The following MPPED2 variants were observed in gnomAD, a reference collection of about 807,000 sequenced individuals.
MPPED2 encodes metallophosphoesterase MPPED2.
In MPPED2, 5 loss-of-function variants were observed where a neutral mutation model predicts 33.0. The observed-to-expected ratio is 0.15, with a 90% CI of 0.08 to 0.32. The LOEUF is 0.32. Among genes scored for constraint, MPPED2 ranks in the 10% least tolerant of loss-of-function variants. The pLI is 1.00. For synonymous variants in MPPED2, 136 were observed against 141.9 expected, an observed-to-expected ratio of 0.96 and a Z score of 0.29; for missense variants, 275 against 372.1, an observed-to-expected ratio of 0.74 and a Z score of 2.15.
chr11:30,487,616 G>A (rs897909839), intron 4 of MPPED2, among the ~76,000 whole-genome samples: 1 of 151,970 alleles, frequency 6.6e-6, no homozygotes. Context: ...AAGTAGCTGG[G>A]ACTACAAGCA....
intron 2 of MPPED2, among the ~76,000 whole-genome samples, chr11:30,552,628 G>A (rs756151732): frequency 1.3e-5 from 2 of 151,758 alleles, no homozygotes; most frequent in Non-Finnish European, 2.9e-5. Flanking sequence ...CTCTCTCTCC[G>A]TTTAGACCAT....
At chr11:30,535,627 C>T (rs377446533) in intron 3 of MPPED2, among the ~76,000 whole-genome samples, 277 of 152,150 alleles carry the variant, frequency 1.8e-3, no homozygotes, top group African/African-American at 6.3e-3. Context: ...ATTTGTATAT[C>T]TTTGCTTATA....
chr11:30,496,966 T>C (rs528614257), intron 3 of MPPED2, among the ~76,000 whole-genome samples: 66 of 152,116 alleles, frequency 4.3e-4, no homozygotes, highest in Non-Finnish European at 7.5e-4. Context: ...ATGGGGAGGC[T>C]TAAGAGAGAG....
At chr11:30,413,031 T>C (rs1422902543) in intron 6 of MPPED2, among the ~76,000 whole-genome samples, 2 of 152,178 alleles carry the variant, frequency 1.3e-5, no homozygotes, top group East Asian at 3.9e-4. Flanking sequence ...ACCCTCCTTT[T>C]CAGGGAGCAT....
In MPPED2 at chr11:30,443,833, A is replaced by G. The variant is rs537797568; in HGVS notation, c.537-26200T>C. Among the ~76,000 whole-genome samples the G allele has an allele frequency of 8.5e-5, 13 of 152,328 alleles. No homozygotes were observed. In the South Asian group the frequency reaches 2.3e-3, roughly 27 times the overall value. ...ATACGAATGACTGCATAACGAAACA[A>G]CAAACTCATCTTAAGCAGAGATGAA... On this transcript the variant is annotated intron_variant, in intron 4 of 6. Transcript: ENST00000358117.
chr11:30,504,715 A>G, intron 3 of MPPED2: 3 of 1,199,934 alleles, frequency 2.5e-6, no homozygotes, highest in Non-Finnish European at 3.3e-6. Context: ...AAGTCCTGAC[A>G]GCTCTAACGT....
downstream of MPPED2, among the ~76,000 whole-genome samples, chr11:30,405,462 G>A (rs1947974861): frequency 2.6e-5 from 4 of 152,118 alleles, no homozygotes; most frequent in African/African-American, 9.7e-5. Context: ...GCTTCCTAAT[G>A]GAAATGCATT....
At position 30,552,629 on chromosome 11, in the gene MPPED2, T is replaced by C. The variant is rs527720568; in HGVS notation, c.129-16454A>G. On this transcript the variant is annotated intron_variant, in intron 2 of 6. Coordinates refer to ENST00000358117, the MANE Select transcript of MPPED2 (RefSeq NM_001584.3). The stretch of plus-strand genomic sequence containing the variant: ...GTTTTGTTTTTTCTCTCTCTCTCCG[T>C]TTAGACCATTATAACGTCAGCATTT... Among the ~76,000 whole-genome samples, 5 of 152,324 alleles carry C rather than the reference T, an allele frequency of 3.3e-5. No individual in the cohort carries two copies. In the East Asian group the frequency reaches 9.6e-4, roughly 29 times the overall value.
chr11:30,475,492 C>T (rs947679425), intron 4 of MPPED2, among the ~76,000 whole-genome samples: 2 of 152,114 alleles, frequency 1.3e-5, no homozygotes, highest in Non-Finnish European at 2.9e-5. Flanking sequence ...TTGATCTTTT[C>T]GTCACTTTAA....
chr11:30,395,975 C>T (rs1340282568), intron 6 of MPPED2, among the ~76,000 whole-genome samples: 1 of 152,156 alleles, frequency 6.6e-6, no homozygotes, highest in Non-Finnish European at 1.5e-5. Context: ...TTTGACCTAA[C>T]CGGTTCTTAA....
intron 5 of MPPED2, 55 bp from the exon 6 acceptor site, chr11:30,414,396 A>G (rs1948247474): frequency 1.7e-6 from 2 of 1,147,314 alleles, no homozygotes; most frequent in Non-Finnish European, 1.3e-6. Context: ...GTAAGGTTTC[A>G]TTTAGACTTT....
intron 3 of MPPED2, among the ~76,000 whole-genome samples, chr11:30,500,478 A>G (rs1307436535): frequency 1.3e-5 from 2 of 152,202 alleles, no homozygotes; most frequent in Admixed American, 6.5e-5. Flanking sequence ...TAAACTGTGG[A>G]CGCAGCATGG....
intron 6 of MPPED2, among the ~76,000 whole-genome samples, chr11:30,396,250 C>G (rs147562101): frequency 6.6e-6 from 1 of 152,108 alleles, no homozygotes; most frequent in Non-Finnish European, 1.5e-5. Context: ...CAACTTGACC[C>G]CTCAGAAGCC....
chr11:30,458,588 T>C (rs568424767), intron 4 of MPPED2, among the ~76,000 whole-genome samples: 21 of 152,362 alleles, frequency 1.4e-4, no homozygotes, highest in African/African-American at 4.8e-4. Flanking sequence ...GTCCTCATCA[T>C]CAAATTACAC....
chr11:30,499,972 C>A (rs1386050132), intron 3 of MPPED2, among the ~76,000 whole-genome samples: 1 of 152,138 alleles, frequency 6.6e-6, no homozygotes, highest in African/African-American at 2.4e-5. Flanking sequence ...CAAAACTGAC[C>A]TCCAGTCTGC....
chr11:30,584,425 G>A (rs1224552686), intron 1 of MPPED2, among the ~76,000 whole-genome samples: 3 of 151,276 alleles, frequency 2.0e-5, no homozygotes, highest in South Asian at 2.1e-4. Flanking sequence ...GCTCTTCCCG[G>A]CTACAACTTC....
At chr11:30,394,592 A>C (rs543679226) in intron 6 of MPPED2, among the ~76,000 whole-genome samples, 1 of 152,150 alleles carries the variant, frequency 6.6e-6, no homozygotes, top group South Asian at 2.1e-4. Context: ...TGTTTATTCA[A>C]CTTTTTACCC....
intron 4 of MPPED2, among the ~76,000 whole-genome samples, chr11:30,485,224 C>G (rs1428400784): frequency 6.6e-6 from 1 of 152,128 alleles, no homozygotes; most frequent in African/African-American, 2.4e-5. Context: ...TTTAACTTCT[C>G]TAACCTTTAA....
At chr11:30,405,821 C>T (rs1475780872), downstream of MPPED2, among the ~76,000 whole-genome samples, 4 of 152,100 alleles carry the variant, frequency 2.6e-5, no homozygotes, top group African/African-American at 9.7e-5. Flanking sequence ...ATCCTCCACC[C>T]AGGGTCCTGT....
Sources: allele counts gnomAD v4.1 joint callset (sites outside exome capture counted in the v4.1 genomes callset), GRCh38; gene constraint gnomAD v4.1.1; transcripts MANE v1.5; gene names NCBI Gene and HGNC (gene_info 2026-07-23, HGNC 2026-07-21).